The following LRMDA variants were observed in gnomAD, a reference collection of about 807,000 sequenced individuals.
The protein encoded by LRMDA is leucine rich melanocyte differentiation associated, also known as leucine-rich melanocyte differentiation-associated protein.
In LRMDA, 18 loss-of-function variants were observed where a neutral mutation model predicts 29.8. The ratio of observed to expected loss-of-function variants is 0.60; its 90% CI spans 0.42 to 0.90. LRMDA has a LOEUF of 0.90. Among genes scored for constraint, LRMDA ranks in the 40% least tolerant of loss-of-function variants. The pLI is 0.00. For synonymous variants in LRMDA, 125 were observed against 109.4 expected (o/e 1.14, Z -0.89); for missense variants, 273 against 273.9 (o/e 1.00, Z 0.02).
In LRMDA at chr10:75,828,726, C is replaced by T. The variant is rs138659636; in HGVS notation, c.132-207282C>T. ...AATAAAGTGAAGAAATATAGCGGTA[C>T]GTGTTATTTTTACATCCTAAAGTAA... On this transcript the variant is annotated intron_variant, in intron 2 of 6. Transcript: ENST00000611255. 7.9e-5 allele frequency among the ~76,000 whole-genome samples: 12 copies of T among 152,266 alleles called. No homozygotes were observed. The South Asian group carries it at 2.1e-3, about 26-fold the overall frequency.
chr10:76,511,359 G>A (rs1331899363), intron 6 of LRMDA, among the ~76,000 whole-genome samples: 2 of 151,578 alleles, frequency 1.3e-5, no homozygotes, highest in African/African-American at 4.9e-5. Flanking sequence ...GGAAAGGAGG[G>A]CCTGGGATTT....
chr10:75,641,530 C>T (rs191560773), intron 2 of LRMDA, among the ~76,000 whole-genome samples: 24 of 152,094 alleles, frequency 1.6e-4, no homozygotes, highest in Admixed American at 2.6e-4. Flanking sequence ...GACAGAGTCT[C>T]GCTGTCACTC....
At chr10:76,030,510 G>A (rs1271823582) in intron 2 of LRMDA, among the ~76,000 whole-genome samples, 4 of 152,172 alleles carry the variant, frequency 2.6e-5, no homozygotes, top group Admixed American at 6.5e-5. Context: ...TTATAAAAAT[G>A]TATAGGTATA....
chr10:75,624,050 A>G (rs977043180), intron 2 of LRMDA, among the ~76,000 whole-genome samples: 1 of 152,236 alleles, frequency 6.6e-6, no homozygotes, highest in Non-Finnish European at 1.5e-5. Flanking sequence ...TTTATAGAAG[A>G]AACAATTACG....
intron 2 of LRMDA, among the ~76,000 whole-genome samples, chr10:75,551,327 A>T (rs893521917): frequency 2.0e-5 from 3 of 151,976 alleles, no homozygotes; most frequent in South Asian, 4.1e-4. Flanking sequence ...GGCTTACTTG[A>T]TATTTATTTA....
intron 6 of LRMDA, among the ~76,000 whole-genome samples, chr10:76,449,185 G>A (rs1842382085): frequency 6.6e-6 from 1 of 151,684 alleles, no homozygotes; most frequent in Non-Finnish European, 1.5e-5. Context: ...ATGAGTTTAT[G>A]TATTTATTTA....
intron 6 of LRMDA, among the ~76,000 whole-genome samples, chr10:76,325,513 T>C (rs2132399452): frequency 6.6e-6 from 1 of 152,342 alleles, no homozygotes; most frequent in South Asian, 2.1e-4. Flanking sequence ...AACAGGTCTC[T>C]TTCACTGAAT....
chr10:76,030,248 T>TTG (rs374768624), intron 2 of LRMDA, among the ~76,000 whole-genome samples: 3,332 of 151,154 alleles, frequency 0.022, 69 homozygotes, highest in African/African-American at 0.059. Context: ...ATATAATTAT[T>TTG]TGTGTGTGTG....
chr10:76,511,783 G>C (rs1342407282), intron 6 of LRMDA, among the ~76,000 whole-genome samples: 3 of 148,896 alleles, frequency 2.0e-5, no homozygotes, highest in Non-Finnish European at 4.4e-5. Context: ...TTATCAAAAT[G>C]ACAATATTTC....
intron 6 of LRMDA, among the ~76,000 whole-genome samples, chr10:76,527,052 A>C (rs1451824198): frequency 5.6e-5 from 4 of 71,916 alleles, no homozygotes; most frequent in Non-Finnish European, 1.1e-4. Context: ...GGTCTGACAA[A>C]AAAAAAAAAA....
intron 2 of LRMDA, among the ~76,000 whole-genome samples, chr10:75,875,117 T>C (rs976843902): frequency 6.6e-6 from 1 of 152,204 alleles, no homozygotes; most frequent in Admixed American, 6.5e-5. Context: ...CCCTTTACCA[T>C]GGCCAGCAGC....
intron 6 of LRMDA, among the ~76,000 whole-genome samples, chr10:76,422,121 T>G (rs1564536920): frequency 6.6e-6 from 1 of 152,112 alleles, no homozygotes; most frequent in Non-Finnish European, 1.5e-5. Context: ...CCCCTTCTCC[T>G]TGGCATATCT....
intron 2 of LRMDA, among the ~76,000 whole-genome samples, chr10:75,506,506 AGAT>A (rs1845170166): frequency 6.6e-6 from 1 of 152,118 alleles, no homozygotes; most frequent in African/African-American, 2.4e-5. Flanking sequence ...GTCTTATAGC[AGAT>A]CAGTGAGATG....
chr10:76,048,138 C>A (rs1282867975), intron 4 of LRMDA, among the ~76,000 whole-genome samples: 1 of 152,152 alleles, frequency 6.6e-6, no homozygotes, highest in Non-Finnish European at 1.5e-5. Flanking sequence ...TCATTAAACA[C>A]CCCACCTGAA....
At chr10:76,477,550 A>G (rs1842688290) in intron 6 of LRMDA, among the ~76,000 whole-genome samples, 1 of 152,130 alleles carries the variant, frequency 6.6e-6, no homozygotes, top group Middle Eastern at 3.2e-3. Context: ...GGAAAAAACT[A>G]CTTTAAAGTT....
chr10:76,056,401 G>T (rs767606765), intron 4 of LRMDA, among the ~76,000 whole-genome samples: 2 of 152,232 alleles, frequency 1.3e-5, no homozygotes, highest in Non-Finnish European at 2.9e-5. Context: ...GCCTGATGGT[G>T]GGGTTTCACC....
chr10:75,810,358 C>T (rs561699179), intron 2 of LRMDA, among the ~76,000 whole-genome samples: 9 of 152,180 alleles, frequency 5.9e-5, no homozygotes, highest in Admixed American at 5.2e-4. Flanking sequence ...CAGGGCTGTT[C>T]GGAGGATGTC....
chr10:75,524,506 T>G (rs999327001), intron 2 of LRMDA, among the ~76,000 whole-genome samples: 2 of 152,170 alleles, frequency 1.3e-5, no homozygotes, highest in Non-Finnish European at 2.9e-5. Flanking sequence ...ACAAAACACC[T>G]AATACAGTGC....
At chr10:76,097,603 A>C (rs534198318) in intron 5 of LRMDA, among the ~76,000 whole-genome samples, 25 of 152,262 alleles carry the variant, frequency 1.6e-4, no homozygotes, top group Admixed American at 8.5e-4. Flanking sequence ...TTCTATCTCT[A>C]GTTTGCTGAA....
Sources: gnomAD v4.1 joint callset for allele counts (sites outside exome capture counted in the v4.1 genomes callset) on GRCh38, gnomAD v4.1.1 for gene constraint, MANE v1.5 for transcripts, NCBI Gene and HGNC (gene_info 2026-07-23, HGNC 2026-07-21) for gene names.